The following HSPA4 variants were observed in gnomAD, a reference collection of about 807,000 sequenced individuals.
HSPA4 encodes the protein heat shock protein family A (Hsp70) member 4.
A neutral mutation model predicts 106.2 loss-of-function variants in HSPA4; 25 were observed. The ratio of observed to expected loss-of-function variants is 0.24; its 90% CI spans 0.17 to 0.33. The LOEUF (loss-of-function observed/expected upper bound fraction) is 0.33, where lower values mean the gene tolerates loss of function less well. HSPA4 is among the 10% of genes least tolerant of loss of function. The pLI is 1.00. For synonymous variants in HSPA4, 332 were observed against 333.6 expected (o/e 1.00, Z 0.05); for missense variants, 841 against 996.0 (o/e 0.84, Z 2.10).
In HSPA4 at chr5:133,105,057, G is replaced by A. The variant is rs546062182; in HGVS notation, c.*621G>A. The stretch of plus-strand genomic sequence containing the variant: ...TTCTCTTGGGAAAATAGACCCCCTT[G>A]CCTAGAGTAAGTTGTTAACTGAGGG... On this transcript the variant is annotated 3_prime_UTR_variant, in exon 19 of 19. Coordinates refer to ENST00000304858, the MANE Select transcript of HSPA4 (RefSeq NM_002154.4). 1.3e-5 allele frequency: 2 copies of A among 151,956 alleles called. No individual in the cohort carries two copies. The highest frequency in any genetic ancestry group is 1.5e-5 in the Non-Finnish European group (1 of 68,136). 9.4% of individuals were successfully genotyped at this position (151,956 alleles called of 1,614,324 possible). A position where few individuals can be genotyped will look rare whatever the true frequency, so the allele number is the denominator to read the frequency against.
At chr5:133,068,505 C>A (rs1450434255) in intron 3 of HSPA4, among the ~76,000 whole-genome samples, 1 of 151,930 alleles carries the variant, frequency 6.6e-6, no homozygotes, top group Non-Finnish European at 1.5e-5. Context: ...GGCCAAGAAT[C>A]AGGAGAACAG....
intron 7 of HSPA4, among the ~76,000 whole-genome samples, chr5:133,078,707 A>T (rs1765476972): frequency 6.7e-6 from 1 of 148,784 alleles, no homozygotes; most frequent in African/African-American, 2.5e-5. Flanking sequence ...TATGTTCTAT[A>T]TTATAGCCTT....
At chr5:133,099,972 G>T (rs1765764221) in intron 16 of HSPA4, among the ~76,000 whole-genome samples, 2 of 151,980 alleles carry the variant, frequency 1.3e-5, no homozygotes, top group African/African-American at 4.8e-5. Flanking sequence ...GCTGGAGCAG[G>T]GCTGTTTCTG....
chr5:133,088,064 T>C lies in HSPA4; in HGVS notation c.986-340T>C, dbSNP rs1714670418. 3.9e-5 allele frequency among the ~76,000 whole-genome samples: 6 copies of C among 152,298 alleles called. No individual in the cohort carries two copies. In the South Asian group the frequency reaches 1.2e-3, roughly 32 times the overall value. ...GAGGCCCTCTTATTTTCCTGATGGCTAGCGTGTTTGAATGTTTGGTCTGTT... is the reference window on the plus strand; with the variant it reads ...GAGGCCCTCTTATTTTCCTGATGGCCAGCGTGTTTGAATGTTTGGTCTGTT... On this transcript the variant is annotated intron_variant, in intron 8 of 18. Coordinates refer to ENST00000304858, the MANE Select transcript of HSPA4 (RefSeq NM_002154.4).
chr5:133,104,418 T>C lies in HSPA4; in HGVS notation c.2505T>C (p.Pro835=). ...CTTCGGATTCAGACAAGAAGCTTCC[T>C]GAAATGGACATTGATTGATTCCAAC... is the stretch of plus-strand genomic sequence containing the variant. The part of the protein sequence containing the change: ...AVPSDSDKKL[P]EMDID The change falls in exon 19 of 19, where the codon CCT becomes CCC. Residue 835 remains proline, a synonymous_variant. Coordinates refer to ENST00000304858, the MANE Select transcript of HSPA4 (RefSeq NM_002154.4). 5 of 1,614,030 alleles carry C rather than the reference T, an allele frequency of 3.1e-6. No individual in the cohort carries two copies. Among genetic ancestry groups the C allele is most frequent in the Non-Finnish European group, 3.4e-6 (4 of 1,179,884 alleles).
At chr5:133,076,627 T>C (rs1765449215) in intron 6 of HSPA4, 27 bp from the exon 7 acceptor site, 2 of 1,598,092 alleles carry the variant, frequency 1.3e-6, no homozygotes, top group African/African-American at 1.3e-5. Context: ...GGTTAATTGT[T>C]AGATTAATTC....
At chr5:133,072,182 T>C (rs1765390217) in intron 4 of HSPA4, among the ~76,000 whole-genome samples, 1 of 152,140 alleles carries the variant, frequency 6.6e-6, no homozygotes, top group Admixed American at 6.6e-5. Flanking sequence ...TCACGGGCCC[T>C]AGCGTATAGC....
At chr5:133,066,298 C>T (rs1027814933) in intron 2 of HSPA4, among the ~76,000 whole-genome samples, 1 of 152,182 alleles carries the variant, frequency 6.6e-6, no homozygotes. Flanking sequence ...TCCCTTTCAT[C>T]TAGTTGATAC....
intron 7 of HSPA4, among the ~76,000 whole-genome samples, chr5:133,082,210 C>T (rs779974008): frequency 3.0e-4 from 46 of 152,160 alleles, no homozygotes; most frequent in Non-Finnish European, 5.9e-4. Context: ...TGAAATGCCC[C>T]GAATTGGCAA....
At chr5:133,066,736 C>CTTTTTTTTTTTTT (rs58483780) in intron 2 of HSPA4, among the ~76,000 whole-genome samples, 10 of 129,414 alleles carry the variant, frequency 7.7e-5, no homozygotes, top group African/African-American at 1.2e-4. Flanking sequence ...TTTCTTTTTT[C>CTTTTTTTTTTTTT]TTTTTTTTTT....
Position 133,104,008 on chromosome 5 carries a change from G to C in HSPA4, c.2301G>C (p.Glu767Asp), listed in dbSNP as rs148490915. 79 of 1,609,434 alleles carry C rather than the reference G, an allele frequency of 4.9e-5. No individual in the cohort carries two copies. Among genetic ancestry groups the C allele is most frequent in the African/African-American group, 1.6e-4 (12 of 74,578 alleles). Residue 767 changes from glutamate (E) to aspartate (D), a missense_variant, in exon 18 of 19, where the codon GAG becomes GAC. Around this residue, in one of 5 missense-constraint regions of HSPA4, gnomAD observed 328 missense variants for 372.2 expected, o/e 0.88. Transcript: ENST00000304858. ...LTMDPVVKSK[E>D]IEAKIKELTS... Reference sequence around the variant, plus strand: ...TGGATCCAGTTGTCAAGTCAAAAGAGATTGAAGCTAAAATTAAGGTAATTT... The same window carrying C: ...TGGATCCAGTTGTCAAGTCAAAAGACATTGAAGCTAAAATTAAGGTAATTT...
Position 133,092,686 on chromosome 5 carries a change from G to A in HSPA4, c.1561-14G>A, listed in dbSNP as rs1472698328. 6.3e-7 allele frequency: 1 copy of A among 1,575,128 alleles called. No homozygotes were observed. Among genetic ancestry groups the A allele is most frequent in the Non-Finnish European group, 8.7e-7 (1 of 1,145,178 alleles). On this transcript the variant is annotated splice_polypyrimidine_tract_variant and intron_variant, in intron 12 of 18. Transcript: ENST00000304858. ...TCTTCCTAATTGCAGGATTTAATTT[G>A]ACCTGTTTTTCAGAAGATGCAAGTG...
chr5:133,086,857 C>G lies in HSPA4; in HGVS notation c.984C>G (p.Thr328=). ...EPPLRSVLEQ[T]KLKKEDIYAV... is the part of the protein sequence containing the mutation. Reference sequence around the variant, plus strand: ...CACTTCGTAGTGTTTTGGAACAAACCAGTAAGTATTTTTGTGATTGAATTT... The same window carrying G: ...CACTTCGTAGTGTTTTGGAACAAACGAGTAAGTATTTTTGTGATTGAATTT... The change falls in exon 8 of 19, where the codon ACC becomes ACG. Residue 328 remains threonine (T), a splice_region_variant and synonymous_variant. Coordinates refer to ENST00000304858, the MANE Select transcript of HSPA4 (RefSeq NM_002154.4). 2 of 1,604,950 alleles carry G rather than the reference C, an allele frequency of 1.2e-6. No homozygotes were observed.
chr5:133,089,728 A>G, intron 11 of HSPA4, 33 bp downstream of exon 11: 8 of 1,484,804 alleles, frequency 5.4e-6, no homozygotes, highest in Non-Finnish European at 7.2e-6. Context: ...AAAAAGAAAA[A>G]AAAAAAAAAG....
At chr5:133,070,676 T>C (rs1765369894) in intron 4 of HSPA4, among the ~76,000 whole-genome samples, 180 bp downstream of exon 4, 1 of 152,010 alleles carries the variant, frequency 6.6e-6, no homozygotes, top group Admixed American at 6.6e-5. Flanking sequence ...CCAAGGTGGG[T>C]GGATCACCTG....
At chr5:133,075,206 T>C (rs1765433247) in intron 6 of HSPA4, among the ~76,000 whole-genome samples, 1 of 152,240 alleles carries the variant, frequency 6.6e-6, no homozygotes, top group Non-Finnish European at 1.5e-5. Flanking sequence ...GTGATTTTGC[T>C]TTTTGACAGC....
At chr5:133,059,842 G>A (rs1765216592) in intron 1 of HSPA4, among the ~76,000 whole-genome samples, 1 of 152,120 alleles carries the variant, frequency 6.6e-6, no homozygotes, top group South Asian at 2.1e-4. Flanking sequence ...ATGAAACAAG[G>A]GATCTTGACC....
Position 133,104,229 on chromosome 5 carries a change from C to T in HSPA4, c.2320-4C>T. On this transcript the variant is annotated splice_polypyrimidine_tract_variant and splice_region_variant and intron_variant, in intron 18 of 18. Transcript: ENST00000304858. ...AAACCAGTTTTCTGTCTTACCCATT[C>T]CAGGAGCTGACAAGTACTTGTAGCC... 4 of 1,613,126 alleles carry T rather than the reference C, an allele frequency of 2.5e-6. No individual in the cohort carries two copies. The highest frequency in any genetic ancestry group is 2.2e-5 in the South Asian group (2 of 91,022).
intron 7 of HSPA4, among the ~76,000 whole-genome samples, chr5:133,084,545 A>C (rs1366966052): frequency 2.6e-5 from 4 of 151,860 alleles, no homozygotes; most frequent in Admixed American, 6.6e-5. Context: ...ATCTCGGCTC[A>C]CTGCAACCTC....
Sources: gnomAD v4.1 joint callset for allele counts (sites outside exome capture counted in the v4.1 genomes callset) on GRCh38, gnomAD v4.1.1 for gene constraint, gnomAD v4.1.1 regional missense constraint, MANE v1.5 for transcripts, NCBI Gene and HGNC (gene_info 2026-07-23, HGNC 2026-07-21) for gene names.